The following CAMK2D variants were observed in gnomAD, a reference collection of about 807,000 sequenced individuals.
The protein encoded by CAMK2D is calcium/calmodulin dependent protein kinase II delta.
In CAMK2D, 37 loss-of-function variants were observed where a neutral mutation model predicts 84.0. The ratio of observed to expected loss-of-function variants is 0.44; its 90% CI spans 0.34 to 0.58. The LOEUF (loss-of-function observed/expected upper bound fraction) is 0.58, where lower values mean the gene tolerates loss of function less well. Ranked by LOEUF, CAMK2D falls within the 20% of genes least tolerant of loss-of-function variation. CAMK2D has a pLI of 0.02. For missense variants in CAMK2D, 448 were observed against 652.5 expected (o/e 0.69, Z 3.41); for synonymous variants, 202 against 212.5 (o/e 0.95, Z 0.43).
At chr4:113,750,256 C>A (rs1305884421) in intron 2 of CAMK2D, among the ~76,000 whole-genome samples, 2 of 152,114 alleles carry the variant, frequency 1.3e-5, no homozygotes, top group Non-Finnish European at 2.9e-5. Context: ...GAGGCAGGAC[C>A]TGCACTGGAT....
intron 15 of CAMK2D, among the ~76,000 whole-genome samples, chr4:113,502,015 C>A (rs1029663738): frequency 1.3e-5 from 2 of 152,016 alleles, no homozygotes; most frequent in Admixed American, 1.3e-4. Flanking sequence ...AATGTGTTTT[C>A]TGAGTCTTAA....
chr4:113,563,962 G>C (rs1438182345), intron 4 of CAMK2D, among the ~76,000 whole-genome samples: 2 of 152,272 alleles, frequency 1.3e-5, no homozygotes, highest in East Asian at 1.9e-4. Context: ...GTTGAAGGAA[G>C]CTAACCTAGA....
chr4:113,729,532 C>T (rs1261959950), intron 2 of CAMK2D, among the ~76,000 whole-genome samples: 1 of 152,190 alleles, frequency 6.6e-6, no homozygotes, highest in South Asian at 2.1e-4. Context: ...GGCTGCTCCT[C>T]TTCTCTTGAG....
chr4:113,501,547 T>C (rs540811170), intron 15 of CAMK2D, among the ~76,000 whole-genome samples: 14 of 152,176 alleles, frequency 9.2e-5, no homozygotes, highest in African/African-American at 3.1e-4. Context: ...GTGATCAATT[T>C]ATATAAATAT....
chr4:113,461,645 T>C (rs985961407), intron 17 of CAMK2D, among the ~76,000 whole-genome samples: 5 of 152,166 alleles, frequency 3.3e-5, no homozygotes, highest in African/African-American at 1.2e-4. Context: ...TGACAAGACC[T>C]GGATTTGAAG....
chr4:113,714,070 T>G (rs559574630), intron 2 of CAMK2D, among the ~76,000 whole-genome samples: 3 of 152,202 alleles, frequency 2.0e-5, no homozygotes, highest in African/African-American at 7.2e-5. Flanking sequence ...ACCATTTTAC[T>G]TTTCATATTT....
intron 18 of CAMK2D, among the ~76,000 whole-genome samples, chr4:113,458,877 G>C (rs2097336664): frequency 1.3e-5 from 2 of 152,070 alleles, no homozygotes. Flanking sequence ...TGCAAAAATA[G>C]TAAATTCCCT....
intron 17 of CAMK2D, among the ~76,000 whole-genome samples, chr4:113,462,322 G>A (rs375095637): frequency 0.19 from 23,096 of 122,070 alleles, 2,252 homozygotes; most frequent in Middle Eastern, 0.24. Flanking sequence ...CTGTCTGTCT[G>A]TCTGTCTGTC....
chr4:113,623,255 GC>G (rs2099053864), intron 3 of CAMK2D, among the ~76,000 whole-genome samples: 1 of 151,856 alleles, frequency 6.6e-6, no homozygotes, highest in South Asian at 2.1e-4. Context: ...TTGGCATCTT[GC>G]TAGTTCTCTC....
chr4:113,473,848 T>A (rs1440091650), intron 16 of CAMK2D, among the ~76,000 whole-genome samples: 2 of 151,970 alleles, frequency 1.3e-5, no homozygotes, highest in Non-Finnish European at 2.9e-5. Flanking sequence ...TAGGTTTATG[T>A]TTTTTTTAGT....
intron 16 of CAMK2D, among the ~76,000 whole-genome samples, chr4:113,493,749 G>T (rs1183121065): frequency 2.6e-5 from 4 of 151,650 alleles, no homozygotes; most frequent in African/African-American, 9.7e-5. Context: ...TTCCAACTTG[G>T]TTCCATTCTC....
At chr4:113,713,211 T>C (rs12644009) in intron 2 of CAMK2D, among the ~76,000 whole-genome samples, 107,909 of 151,626 alleles carry the variant, frequency 0.71, 39,191 homozygotes, top group African/African-American at 0.85. Flanking sequence ...GGCCTACTTA[T>C]ACACAATTGT....
chr4:113,754,108 T>C (rs2099623176), intron 2 of CAMK2D: 1 of 877,950 alleles, frequency 1.1e-6, no homozygotes, highest in Non-Finnish European at 1.4e-6. Context: ...AGATATGTTT[T>C]ACAGTTAAAA....
At chr4:113,523,228 A>C (rs966941700) in intron 8 of CAMK2D, among the ~76,000 whole-genome samples, 1 of 152,150 alleles carries the variant, frequency 6.6e-6, no homozygotes, top group African/African-American at 2.4e-5. Flanking sequence ...CTAAGACTTC[A>C]CCTGTTTGCA....
chr4:113,658,979 C>T (rs1184439844), intron 3 of CAMK2D, among the ~76,000 whole-genome samples: 1 of 152,180 alleles, frequency 6.6e-6, no homozygotes, highest in Non-Finnish European at 1.5e-5. Flanking sequence ...AAAAGATGTA[C>T]ACTGTGTCAG....
At chr4:113,494,704 G>T (rs568440747) in intron 16 of CAMK2D, among the ~76,000 whole-genome samples, 1 of 151,980 alleles carries the variant, frequency 6.6e-6, no homozygotes, top group African/African-American at 2.4e-5. Context: ...TTTACCTAAG[G>T]AAGCCTGGGC....
chr4:113,558,862 G>A (rs905070750), intron 4 of CAMK2D, among the ~76,000 whole-genome samples: 1 of 152,026 alleles, frequency 6.6e-6, no homozygotes, highest in African/African-American at 2.4e-5. Context: ...TGAACCTGTA[G>A]TCCCAGCTAC....
At chr4:113,682,015 G>T (rs922001203) in intron 2 of CAMK2D, among the ~76,000 whole-genome samples, 1 of 152,142 alleles carries the variant, frequency 6.6e-6, no homozygotes, top group Admixed American at 6.5e-5. Flanking sequence ...GGATACAGGA[G>T]CAGTGGACCT....
At chr4:113,678,460 A>AT (rs35916236) in intron 2 of CAMK2D, among the ~76,000 whole-genome samples, 27,631 of 135,256 alleles carry the variant, frequency 0.2, 2,931 homozygotes, top group South Asian at 0.34. Context: ...TGGTTCTGTG[A>AT]TTTTTTTTTT....
Sources: gnomAD v4.1 joint callset for allele counts (sites outside exome capture counted in the v4.1 genomes callset) on GRCh38, gnomAD v4.1.1 for gene constraint, MANE v1.5 for transcripts, NCBI Gene and HGNC (gene_info 2026-07-23, HGNC 2026-07-21) for gene names.